OSBP2: variants seen among roughly 807,000 people sequenced by gnomAD.
OSBP2 encodes oxysterol binding protein 2.
OSBP2 carries 66 observed loss-of-function variants against 96.0 expected under a neutral mutation model. The observed-to-expected ratio is 0.69, with a 90% CI of 0.56 to 0.84. The LOEUF is 0.84. Ranked by LOEUF, OSBP2 falls within the 40% of genes least tolerant of loss-of-function variation. OSBP2 has a pLI of 0.00. For synonymous variants in OSBP2, 525 were observed against 520.9 expected (o/e 1.01, Z -0.11); for missense variants, 1,038 against 1,222.7 (o/e 0.85, Z 2.25).
chr22:30,762,019 G>A (rs1468971702), intron 2 of OSBP2, among the ~76,000 whole-genome samples: 2 of 151,942 alleles, frequency 1.3e-5, no homozygotes, highest in Admixed American at 6.6e-5. Flanking sequence ...CCAGGAGTTC[G>A]AGACCAGCCT....
At chr22:30,763,119 G>A (rs1189536943) in intron 2 of OSBP2, among the ~76,000 whole-genome samples, 23 of 152,196 alleles carry the variant, frequency 1.5e-4, no homozygotes, top group Admixed American at 1.5e-3. Context: ...TCTTAGAGGT[G>A]CTGTGAGGAT....
Position 30,875,059 on chromosome 22 carries a change from T to C in OSBP2, c.1107+4377T>C, listed in dbSNP as rs562918939. Among the ~76,000 whole-genome samples, 15 of 152,318 alleles carry C rather than the reference T, an allele frequency of 9.8e-5. No individual in the cohort carries two copies. In the South Asian group the frequency reaches 2.7e-3, roughly 27 times the overall value. On this transcript the variant is annotated intron_variant, in intron 3 of 13. Coordinates refer to ENST00000332585, the MANE Select transcript of OSBP2 (RefSeq NM_030758.4). ...TGTTTCATAGTGGGTCTTGTGTCTC[T>C]AGATAAAGCACTCCAAGTGGCCCAC...
rs1253909100 is a variant in OSBP2 at position 30,881,992 on chromosome 22, C to A, written c.1108-5434C>A. Among the ~76,000 whole-genome samples the A allele has an allele frequency of 6.6e-6, 1 of 152,196 alleles. No individual in the cohort carries two copies. Among genetic ancestry groups the A allele is most frequent in the Non-Finnish European group, 1.5e-5 (1 of 68,030 alleles). ...ACTCTACGACCTGCATGTGCCCAGC[C>A]TAGGCACATGTACCCAAATGAGGCC... On this transcript the variant is annotated intron_variant, in intron 3 of 13. Coordinates refer to ENST00000332585, the MANE Select transcript of OSBP2 (RefSeq NM_030758.4). The surrounding 1 kb of genome is among the most constrained non-coding windows in gnomAD (Gnocchi z 4.5).
At chr22:30,884,715 G>T (rs1019196605) in intron 3 of OSBP2, among the ~76,000 whole-genome samples, 1 of 152,056 alleles carries the variant, frequency 6.6e-6, no homozygotes, top group African/African-American at 2.4e-5. Flanking sequence ...CCCAGGCAGG[G>T]TGCCCCAGTG....
intron 2 of OSBP2, among the ~76,000 whole-genome samples, chr22:30,801,890 T>C (rs1360827278): frequency 6.6e-6 from 1 of 152,150 alleles, no homozygotes. Flanking sequence ...GGTAGGAGGA[T>C]CACTTGAGCC....
chr22:30,870,791 G>A lies in OSBP2; in HGVS notation c.1107+109G>A, dbSNP rs1238397485. 7 of 1,185,292 alleles carry A rather than the reference G, an allele frequency of 5.9e-6. No individual in the cohort carries two copies. Among genetic ancestry groups the A allele is most frequent in the African/African-American group, 3.0e-5 (2 of 66,014 alleles). The allele number at this position is 1,185,292 out of a possible 1,614,324, so 73.4% of individuals were successfully genotyped here. On this transcript the variant is annotated intron_variant, in intron 3 of 13. Transcript: ENST00000332585. The surrounding 1 kb of genome is among the most constrained non-coding windows in gnomAD (Gnocchi z 4.1). ...GAAGGGTCAGCGTTCCATTTCCTGC[G>A]GTTCCACGGTGTTTCCCAAAGCCAG... is the stretch of plus-strand genomic sequence containing the variant.
rs988465165 is a variant in OSBP2, at chr22:30,845,273, T to C, written c.854-25156T>C. ...TGGTGAAACCCGTCTCTACCATATA[T>C]ACAAAAACTTAGCCAGGCGTGGTGG... On this transcript the variant is annotated intron_variant, in intron 2 of 13. Coordinates refer to ENST00000332585, the MANE Select transcript of OSBP2 (RefSeq NM_030758.4). 2.6e-5 allele frequency among the ~76,000 whole-genome samples: 4 copies of C among 151,874 alleles called. No homozygotes were observed. In the East Asian group the frequency reaches 5.8e-4, roughly 22 times the overall value.
chr22:30,808,782 A>C (rs1192068836), intron 2 of OSBP2, among the ~76,000 whole-genome samples: 1 of 152,018 alleles, frequency 6.6e-6, no homozygotes, highest in Admixed American at 6.6e-5. Flanking sequence ...GTGAAACCCC[A>C]TCTCTACTAA....
At chr22:30,775,965 T>G (rs1400494204) in intron 2 of OSBP2, among the ~76,000 whole-genome samples, 4 of 151,864 alleles carry the variant, frequency 2.6e-5, no homozygotes, top group African/African-American at 9.7e-5. Flanking sequence ...CTGGCTAATT[T>G]TTGTATTTTT....
In OSBP2 at chr22:30,902,860, C is replaced by T. The variant is rs574172356; in HGVS notation, c.2376-2977C>T. On this transcript the variant is annotated intron_variant, in intron 12 of 13. Coordinates refer to ENST00000332585, the MANE Select transcript of OSBP2 (RefSeq NM_030758.4). ...GGTGAACCCCTGGGCCATGTTCCTG[C>T]AGCTTCCACTCCCATACCTGCCACT... 5.6e-4 allele frequency: 172 copies of T among 308,370 alleles called. 1 individual carries two copies. In the Middle Eastern group the frequency reaches 7.0e-3, roughly 13 times the overall value. 19.1% of individuals were successfully genotyped at this position (308,370 alleles called of 1,614,324 possible).
chr22:30,789,975 G>A (rs958820870), intron 2 of OSBP2, among the ~76,000 whole-genome samples: 3 of 152,114 alleles, frequency 2.0e-5, no homozygotes, highest in African/African-American at 7.2e-5. Context: ...TGTTTCTTGT[G>A]TACCCCTCTA....
At chr22:30,784,718 G>A (rs557772878) in intron 2 of OSBP2, among the ~76,000 whole-genome samples, 1 of 151,450 alleles carries the variant, frequency 6.6e-6, no homozygotes, top group Non-Finnish European at 1.5e-5. Context: ...ATCAATTCCT[G>A]TGCCTAATTA....
At chr22:30,717,884 A>G (rs1216586919) in intron 1 of OSBP2, among the ~76,000 whole-genome samples, 1 of 152,180 alleles carries the variant, frequency 6.6e-6, no homozygotes, top group Non-Finnish European at 1.5e-5. Flanking sequence ...GGCGGGAGTT[A>G]GAATCGAGTC....
chr22:30,695,275 C>T lies in OSBP2; in HGVS notation c.366C>T (p.Ala122=), dbSNP rs768161318. Residue 122 remains alanine, a synonymous_variant, in exon 1 of 14, where the codon GCC becomes GCT. Coordinates refer to ENST00000332585, the MANE Select transcript of OSBP2 (RefSeq NM_030758.4). The stretch of plus-strand genomic sequence containing the variant: ...TAGGGGCTGGGCCCTTCACTAAGGC[C>T]GCATCGGAGCCGCTCTCCCGGGCGG... ...SGVGAGPFTK[A]ASEPLSRAVG... The T allele has an allele frequency of 5.6e-6, 9 of 1,613,250 alleles. No homozygotes were observed. The Admixed American group carries it at 8.3e-5, about 15-fold the overall frequency.
intron 2 of OSBP2, among the ~76,000 whole-genome samples, chr22:30,802,604 C>T (rs2051231085): frequency 6.6e-6 from 1 of 152,256 alleles, no homozygotes; most frequent in African/African-American, 2.4e-5. Context: ...GTGCGCCTTC[C>T]GCTGCCCGCC....
intron 2 of OSBP2, among the ~76,000 whole-genome samples, chr22:30,748,117 T>G (rs2090029295): frequency 6.6e-6 from 1 of 151,958 alleles, no homozygotes; most frequent in Non-Finnish European, 1.5e-5. Flanking sequence ...CCTCAAATGA[T>G]CCACCCACCC....
At chr22:30,836,664 T>G (rs1283268908) in intron 2 of OSBP2, among the ~76,000 whole-genome samples, 2 of 152,212 alleles carry the variant, frequency 1.3e-5, no homozygotes, top group Non-Finnish European at 2.9e-5. Context: ...GCAAAGGTGC[T>G]GATGCAGGCG....
intron 3 of OSBP2, among the ~76,000 whole-genome samples, chr22:30,873,535 C>T (rs952177447): frequency 5.9e-5 from 9 of 152,144 alleles, no homozygotes; most frequent in East Asian, 3.9e-4. Context: ...CAATCTCTTC[C>T]GATCTCACAG....
intron 2 of OSBP2, among the ~76,000 whole-genome samples, chr22:30,772,302 A>T (rs1247939550): frequency 6.6e-6 from 1 of 152,212 alleles, no homozygotes; most frequent in Non-Finnish European, 1.5e-5. Flanking sequence ...CTTAGCTCAG[A>T]AATGAGATAA....
Sources: allele counts gnomAD v4.1 joint callset (sites outside exome capture counted in the v4.1 genomes callset), GRCh38; gene constraint gnomAD v4.1.1; non-coding constraint Gnocchi (gnomAD v3.1); transcripts MANE v1.5; gene names NCBI Gene and HGNC (gene_info 2026-07-23, HGNC 2026-07-21).